ANKDD1B: variants seen among roughly 807,000 people sequenced by gnomAD.
ANKDD1B encodes ankyrin repeat and death domain-containing protein 1B.
In ANKDD1B, 57 loss-of-function variants were observed where a neutral mutation model predicts 59.7. That is an observed-to-expected ratio of 0.95 (90% confidence interval 0.77 to 1.19). The LOEUF (loss-of-function observed/expected upper bound fraction) is 1.19. Ranked by LOEUF, ANKDD1B falls within the 50% of genes most tolerant of loss-of-function variation. The pLI, the probability that ANKDD1B is intolerant of heterozygous loss-of-function variation, is 0.00. For missense variants in ANKDD1B, 602 were observed against 641.9 expected, an observed-to-expected ratio of 0.94 and a Z score of 0.67; for synonymous variants, 216 against 239.5, an observed-to-expected ratio of 0.90 and a Z score of 0.91.
intron 1 of ANKDD1B, among the ~76,000 whole-genome samples, chr5:75,613,598 T>C (rs1773630074): frequency 1.3e-5 from 2 of 152,272 alleles, no homozygotes; most frequent in Middle Eastern, 3.4e-3. Context: ...AATTAGGTGA[T>C]GGTAGTGGGA....
chr5:75,659,388 G>A lies in ANKDD1B; in HGVS notation c.1095+7G>A. ...CTTGAAGGCTGTTGACAAGGTAAGT[G>A]CATGGACTTTACTCCATTCAGCTGA... On this transcript the variant is annotated splice_region_variant and intron_variant, in intron 10 of 13. Transcript: ENST00000601380. The A allele has an allele frequency of 6.5e-7, 1 of 1,529,562 alleles. No homozygotes were observed. Among genetic ancestry groups the A allele is most frequent in the Non-Finnish European group, 8.8e-7 (1 of 1,140,864 alleles). The allele number at this position is 1,529,562 out of a possible 1,614,324, so 94.7% of individuals were successfully genotyped here. A position where few individuals can be genotyped will look rare whatever the true frequency, so the allele number is the denominator to read the frequency against.
At chr5:75,666,184 A>C (rs757230539) in intron 11 of ANKDD1B, among the ~76,000 whole-genome samples, 1 of 152,176 alleles carries the variant, frequency 6.6e-6, no homozygotes, top group Non-Finnish European at 1.5e-5. Flanking sequence ...ACAAGATGCC[A>C]ATCTAGGCAT....
chr5:75,615,329 T>G (rs1773683927), intron 1 of ANKDD1B, among the ~76,000 whole-genome samples: 1 of 152,076 alleles, frequency 6.6e-6, no homozygotes, highest in African/African-American at 2.4e-5. Context: ...TGGGGAAGAT[T>G]ATTAGAGGTG....
chr5:75,655,357 C>T (rs1467690136), intron 8 of ANKDD1B, among the ~76,000 whole-genome samples: 1 of 152,146 alleles, frequency 6.6e-6, no homozygotes, highest in Non-Finnish European at 1.5e-5. Context: ...GAGAGCTGAG[C>T]ATGAGGATGG....
intron 5 of ANKDD1B, among the ~76,000 whole-genome samples, chr5:75,629,937 T>C (rs1774104566): frequency 6.6e-6 from 1 of 152,124 alleles, no homozygotes; most frequent in Admixed American, 6.6e-5. Flanking sequence ...GACCCTGTTA[T>C]AATTAGGTTA....
At chr5:75,611,923 G>A in intron 1 of ANKDD1B, 96 bp downstream of exon 1, 2 of 1,055,668 alleles carry the variant, frequency 1.9e-6, no homozygotes, top group Non-Finnish European at 2.4e-6. Context: ...TCCGGACGCT[G>A]CAGGAGGGAA....
rs1015052972 is a variant in ANKDD1B at position 75,612,535 on chromosome 5, G to A, written c.193+708G>A. Reference sequence around the variant, plus strand: ...CTTATTTCCTAAACCAGGCTTGGAAGCTATACACCAATTCATCAATATAGT... The same window carrying A: ...CTTATTTCCTAAACCAGGCTTGGAAACTATACACCAATTCATCAATATAGT... On this transcript the variant is annotated intron_variant, in intron 1 of 13. Coordinates refer to ENST00000601380, the MANE Select transcript of ANKDD1B (RefSeq NM_001276713.2). 2.6e-5 allele frequency among the ~76,000 whole-genome samples: 4 copies of A among 151,952 alleles called. No individual in the cohort carries two copies. The East Asian group carries it at 5.8e-4, about 22-fold the overall frequency.
At chr5:75,658,327 G>C (rs1211318943) in intron 9 of ANKDD1B, among the ~76,000 whole-genome samples, 1 of 152,184 alleles carries the variant, frequency 6.6e-6, no homozygotes, top group Non-Finnish European at 1.5e-5. Context: ...GTCTGGGGTA[G>C]TTGCTTCCCT....
intron 2 of ANKDD1B, among the ~76,000 whole-genome samples, chr5:75,619,976 T>C (rs1773803653): frequency 6.6e-6 from 1 of 152,208 alleles, no homozygotes; most frequent in Admixed American, 6.5e-5. Flanking sequence ...CCATTATTAA[T>C]GATTGCATAA....
chr5:75,668,725 C>A (rs1412615797), intron 12 of ANKDD1B, among the ~76,000 whole-genome samples: 1 of 152,210 alleles, frequency 6.6e-6, no homozygotes, highest in Non-Finnish European at 1.5e-5. Flanking sequence ...AATGAATAAT[C>A]CTGGCCCAGG....
At position 75,668,633 on chromosome 5, in the gene ANKDD1B, A is replaced by T. The variant is rs141904701; in HGVS notation, c.1394-619A>T. Reference sequence around the variant, plus strand: ...GAGCCTGTAGTGAAGTCCTGTTGGGAACCACAGAGGCTTTGTGGCTCCCTA... The same window carrying T: ...GAGCCTGTAGTGAAGTCCTGTTGGGTACCACAGAGGCTTTGTGGCTCCCTA... On this transcript the variant is annotated intron_variant, in intron 12 of 13. Coordinates refer to ENST00000601380, the MANE Select transcript of ANKDD1B (RefSeq NM_001276713.2). Among the ~76,000 whole-genome samples, 166 of 152,320 alleles carry T rather than the reference A, an allele frequency of 1.1e-3. 1 individual carries two copies. The East Asian group carries it at 0.028, about 26-fold the overall frequency.
intron 9 of ANKDD1B, 93 bp from the exon 10 acceptor site, chr5:75,659,190 C>A: frequency 1.2e-6 from 1 of 841,406 alleles, no homozygotes; most frequent in Non-Finnish European, 1.9e-6. Flanking sequence ...AAATATATGA[C>A]CTGTGTTTTC....
intron 5 of ANKDD1B, among the ~76,000 whole-genome samples, chr5:75,633,334 T>A (rs1774215203): frequency 6.6e-6 from 1 of 152,226 alleles, no homozygotes; most frequent in Non-Finnish European, 1.5e-5. Flanking sequence ...TTTCTCCAGC[T>A]TCCATACATG....
Position 75,671,511 on chromosome 5 carries a change from A to G in ANKDD1B, c.*471A>G, listed in dbSNP as rs1775484199. On this transcript the variant is annotated 3_prime_UTR_variant, in exon 14 of 14. Coordinates refer to ENST00000601380, the MANE Select transcript of ANKDD1B (RefSeq NM_001276713.2). ...TATAAACTGGGAGAGATGTCTATTT[A>G]ATCCATAGGGTTGGAATGAAGATGA... 6.6e-6 allele frequency: 1 copy of G among 152,192 alleles called. No homozygotes were observed. Among genetic ancestry groups the G allele is most frequent in the African/African-American group, 2.4e-5 (1 of 41,428 alleles). The allele number at this position is 152,192 out of a possible 1,614,324, so 9.4% of individuals were successfully genotyped here.
rs200670007 is a variant in ANKDD1B, at chr5:75,668,300, ACACTTG to A, written c.1394-949_1394-944del. ...TAATCTAGTTGGCACAATAACAATGACACTTGCAATTCAATTATATTGTGATCCAGG... is the reference window on the plus strand; with the variant it reads ...TAATCTAGTTGGCACAATAACAATGACAATTCAATTATATTGTGATCCAGG... On this transcript the variant is annotated intron_variant, in intron 12 of 13. Coordinates refer to ENST00000601380, the MANE Select transcript of ANKDD1B (RefSeq NM_001276713.2). Among the ~76,000 whole-genome samples the A allele has an allele frequency of 9.2e-3, 1,405 of 152,286 alleles. 25 individuals are homozygous for A. Among genetic ancestry groups the A allele is most frequent in the African/African-American group, 0.032 (1,344 of 41,562 alleles).
Position 75,669,366 on chromosome 5 carries a change from G to T in ANKDD1B, c.1508G>T (p.Gly503Val). 2.4e-6 allele frequency: 3 copies of T among 1,232,152 alleles called. No homozygotes were observed. The highest frequency in any genetic ancestry group is 8.2e-5 in the South Asian group (2 of 24,314). 76.3% of individuals were successfully genotyped at this position (1,232,152 alleles called of 1,614,324 possible). A position where few individuals can be genotyped will look rare whatever the true frequency, so the allele number is the denominator to read the frequency against. ...KQLYEELVHA[G>V]FPKLAEKTRH... ...CTGTATGAAGAGCTGGTACACGCAG[G>T]TTTCCCAAAACTAGCTGGTAAGTGA... Residue 503 changes from glycine (G) to valine (V), a missense_variant, in exon 13 of 14, where the codon GGT becomes GTT. Coordinates refer to ENST00000601380, the MANE Select transcript of ANKDD1B (RefSeq NM_001276713.2).
intron 7 of ANKDD1B, among the ~76,000 whole-genome samples, chr5:75,650,613 C>T (rs944480362): frequency 1.3e-5 from 2 of 152,074 alleles, no homozygotes; most frequent in African/African-American, 4.8e-5. Flanking sequence ...TTTTTACAGG[C>T]AAAGACAAAG....
At chr5:75,667,895 T>C (rs1472852025) in intron 12 of ANKDD1B, among the ~76,000 whole-genome samples, 1 of 152,222 alleles carries the variant, frequency 6.6e-6, no homozygotes, top group East Asian at 1.9e-4. Flanking sequence ...CACATACAAG[T>C]AAATTATGAG....
chr5:75,664,989 T>C (rs146255125), intron 11 of ANKDD1B, among the ~76,000 whole-genome samples: 38 of 152,316 alleles, frequency 2.5e-4, no homozygotes, highest in African/African-American at 7.9e-4. Context: ...TCGCCTAATA[T>C]AAAATGGTTC....
Sources: gnomAD v4.1 joint callset for allele counts (sites outside exome capture counted in the v4.1 genomes callset) on GRCh38, gnomAD v4.1.1 for gene constraint, MANE v1.5 for transcripts, NCBI Gene and HGNC (gene_info 2026-07-23, HGNC 2026-07-21) for gene names.